The following CCDC171 variants were observed in gnomAD, a reference collection of about 807,000 sequenced individuals.
CCDC171 encodes coiled-coil domain containing 171, also known as coiled-coil domain-containing protein 171.
A neutral mutation model predicts 168.2 loss-of-function variants in CCDC171; 177 were observed. The observed-to-expected ratio is 1.05, with a 90% CI of 0.93 to 1.19. The LOEUF is 1.19. Ranked by LOEUF, CCDC171 falls within the 50% of genes most tolerant of loss-of-function variation. The pLI, the probability that CCDC171 is intolerant of heterozygous loss-of-function variation, is 0.00. For synonymous variants in CCDC171, 687 were observed against 540.8 expected, an observed-to-expected ratio of 1.27 and a Z score of -3.75; for missense variants, 1,991 against 1,539.0, an observed-to-expected ratio of 1.29 and a Z score of -4.91.
rs1365309998 is a variant in CCDC171 at position 16,007,633 on chromosome 9, T to C, written n.369-12956T>C. 1.3e-5 allele frequency among the ~76,000 whole-genome samples: 2 copies of C among 152,232 alleles called. 1 individual carries two copies. On this transcript the variant is annotated intron_variant and non_coding_transcript_variant, in intron 3 of 9. Coordinates refer to the CCDC171 transcript ENST00000486641. ...TATAAGGTGTAAGGAAGGGATCCAG[T>C]TTCAGCTTTCTACATATGGCTAGCC...
intron 7 of CCDC171, among the ~76,000 whole-genome samples, chr9:15,625,678 C>A (rs888476397): frequency 6.6e-6 from 1 of 152,116 alleles, no homozygotes; most frequent in African/African-American, 2.4e-5. Flanking sequence ...TGGTCTATAT[C>A]TCTGTTTTGG....
At chr9:15,777,487 A>C in intron 18 of CCDC171, 113 bp from the exon 19 acceptor site, 1 of 610,494 alleles carries the variant, frequency 1.6e-6, no homozygotes, top group Non-Finnish European at 2.8e-6. Context: ...GAATTACTAC[A>C]GGTGAATGGG....
At chr9:16,002,316 A>C (rs889673122) in intron 3 of CCDC171, among the ~76,000 whole-genome samples, 1 of 152,034 alleles carries the variant, frequency 6.6e-6, no homozygotes, top group African/African-American at 2.4e-5. Context: ...CTCCTATGAA[A>C]GTGGAAGACA....
chr9:15,959,875 C>T (rs1402291369), intron 25 of CCDC171, among the ~76,000 whole-genome samples: 1 of 152,176 alleles, frequency 6.6e-6, no homozygotes, highest in Non-Finnish European at 1.5e-5. Context: ...TACTGCAAGG[C>T]ACTGGGTTTC....
At chr9:16,049,238 A>T (rs1833713203) in intron 1 of CCDC171, among the ~76,000 whole-genome samples, 1 of 152,202 alleles carries the variant, frequency 6.6e-6, no homozygotes, top group Admixed American at 6.5e-5. Context: ...CTTTATTTGG[A>T]AATGAAGTAT....
chr9:15,959,016 CTG>C (rs1207960412), intron 25 of CCDC171, among the ~76,000 whole-genome samples: 1 of 152,152 alleles, frequency 6.6e-6, no homozygotes, highest in Non-Finnish European at 1.5e-5. Flanking sequence ...TCTTCACTCT[CTG>C]TGAGTTTATG....
intron 1 of CCDC171, among the ~76,000 whole-genome samples, chr9:16,059,251 C>T (rs976920861): frequency 1.3e-5 from 2 of 152,178 alleles, no homozygotes; most frequent in Non-Finnish European, 2.9e-5. Context: ...GCGAATGTTT[C>T]TGTTTTACAC....
downstream of CCDC171, chr9:16,061,736 A>G (rs1266702271): frequency 6.6e-6 from 1 of 152,208 alleles, no homozygotes; most frequent in African/African-American, 2.4e-5. Context: ...CAGTAACCCC[A>G]TGAAGCCATA....
At chr9:15,566,262 A>C (rs560371273) in intron 2 of CCDC171, among the ~76,000 whole-genome samples, 1 of 151,980 alleles carries the variant, frequency 6.6e-6, no homozygotes, top group East Asian at 1.9e-4. Context: ...CCTTTATCAG[A>C]TACATGATTT....
intron 3 of CCDC171, among the ~76,000 whole-genome samples, chr9:15,575,719 T>C (rs1334022015): frequency 6.6e-6 from 1 of 152,260 alleles, no homozygotes; most frequent in East Asian, 1.9e-4. Context: ...CCAGTCCTCC[T>C]TTTAACAAGT....
At chr9:15,641,627 A>G (rs1438224669) in intron 7 of CCDC171, among the ~76,000 whole-genome samples, 6 of 152,130 alleles carry the variant, frequency 3.9e-5, no homozygotes, top group Non-Finnish European at 5.9e-5. Flanking sequence ...AAAGGGTTGG[A>G]TAGGAGACAT....
chr9:15,738,896 A>G (rs971130597), intron 16 of CCDC171, among the ~76,000 whole-genome samples: 1 of 152,128 alleles, frequency 6.6e-6, no homozygotes, highest in Non-Finnish European at 1.5e-5. Flanking sequence ...AGTGTCTATT[A>G]TGGGCAAAAC....
intron 7 of CCDC171, among the ~76,000 whole-genome samples, chr9:15,642,579 G>A (rs181745089): frequency 7.9e-4 from 120 of 151,562 alleles, no homozygotes; most frequent in African/African-American, 2.7e-3. Flanking sequence ...TGGACTAGAA[G>A]ATTTAAAAAA....
intron 21 of CCDC171, among the ~76,000 whole-genome samples, chr9:15,827,967 G>T (rs576333426): frequency 4.8e-4 from 73 of 152,258 alleles, no homozygotes; most frequent in African/African-American, 1.7e-3. Context: ...CTGAGGTGAG[G>T]ACCTTTCTTT....
intron 24 of CCDC171, among the ~76,000 whole-genome samples, chr9:15,911,784 A>G (rs202046682): frequency 2.8e-4 from 43 of 152,128 alleles, no homozygotes; most frequent in South Asian, 8.3e-4. Context: ...AGTTTTCCCA[A>G]CACCATTTAT....
chr9:15,648,274 A>G (rs938568614), intron 7 of CCDC171, among the ~76,000 whole-genome samples: 3 of 152,194 alleles, frequency 2.0e-5, no homozygotes, highest in African/African-American at 7.2e-5. Context: ...ATCTGTGACA[A>G]ACCCACAGCC....
At chr9:15,599,854 C>T (rs534608168) in intron 6 of CCDC171, among the ~76,000 whole-genome samples, 2 of 152,222 alleles carry the variant, frequency 1.3e-5, no homozygotes, top group East Asian at 3.9e-4. Flanking sequence ...TTTCTTTTTA[C>T]TCTTTTTTCT....
At chr9:15,779,594 A>G (rs1027328653) in intron 20 of CCDC171, among the ~76,000 whole-genome samples, 1 of 152,162 alleles carries the variant, frequency 6.6e-6, no homozygotes, top group Non-Finnish European at 1.5e-5. Flanking sequence ...TCCTGACCTC[A>G]GCTGATCTGC....
chr9:15,707,523 T>C (rs1460763007), intron 11 of CCDC171, among the ~76,000 whole-genome samples: 1 of 152,218 alleles, frequency 6.6e-6, no homozygotes, highest in Non-Finnish European at 1.5e-5. Flanking sequence ...TCCAACCATC[T>C]TTTGTAGTCT....
Sources: allele counts gnomAD v4.1 joint callset (sites outside exome capture counted in the v4.1 genomes callset), GRCh38; gene constraint gnomAD v4.1.1; transcripts MANE v1.5; gene names NCBI Gene and HGNC (gene_info 2026-07-23, HGNC 2026-07-21).